Variants in CNTN6 observed in about 807,000 individuals in gnomAD.
CNTN6 encodes the protein contactin-6.
A neutral mutation model predicts 122.8 loss-of-function variants in CNTN6; 137 were observed. That is an observed-to-expected ratio of 1.12 (90% CI 0.97 to 1.29). The LOEUF (loss-of-function observed/expected upper bound fraction) is 1.29. Ranked by LOEUF, CNTN6 falls within the 50% of genes most tolerant of loss-of-function variation. CNTN6 has a pLI of 0.00. For missense variants in CNTN6, 1,634 were observed against 1,223.4 expected (o/e 1.34, Z -5.01); for synonymous variants, 570 against 426.0 (o/e 1.34, Z -4.16).
At chr3:1,093,527 C>CT (rs753856056) in intron 1 of CNTN6, among the ~76,000 whole-genome samples, 1,796 of 132,468 alleles carry the variant, frequency 0.014, 24 homozygotes, top group African/African-American at 0.043. Flanking sequence ...TGTTTTTTGT[C>CT]TTTTTTTTTT....
chr3:1,214,696 A>T (rs4362705), intron 2 of CNTN6, among the ~76,000 whole-genome samples: 72,020 of 151,900 alleles, frequency 0.47, 19,594 homozygotes, highest in African/African-American at 0.75. Flanking sequence ...TTCTTCATTG[A>T]CTTCTGGTAT....
chr3:1,327,461 G>T lies in CNTN6; in HGVS notation c.1088G>T (p.Arg363Ile), dbSNP rs1372041513. 5.4e-5 allele frequency: 87 copies of T among 1,609,792 alleles called. No homozygotes were observed. The highest frequency in any genetic ancestry group is 7.3e-5 in the Non-Finnish European group (86 of 1,177,558). The change falls in exon 10 of 23, where the codon AGA becomes ATA. Residue 363 changes from arginine (R) to isoleucine (I), a missense_variant. Transcript: ENST00000446702. ...KNGERLNPEE[R>I]IQIENGTLII... ...ATATGCCTTTTCCTTTATTAGGAGA[G>T]AATTCAAATAGAAAATGGGACACTC...
intron 7 of CNTN6, among the ~76,000 whole-genome samples, chr3:1,303,824 A>G (rs1387663728): frequency 3.9e-5 from 6 of 152,170 alleles, no homozygotes; most frequent in African/African-American, 1.4e-4. Flanking sequence ...GGCAGTTGTT[A>G]TACTACTGTG....
chr3:1,332,965 C>T (rs1702532257), intron 11 of CNTN6, among the ~76,000 whole-genome samples: 1 of 151,930 alleles, frequency 6.6e-6, no homozygotes, highest in African/African-American at 2.4e-5. Flanking sequence ...TTTAAGAAGA[C>T]AATATTAACG....
chr3:1,400,142 A>G (rs945666991), intron 20 of CNTN6, among the ~76,000 whole-genome samples: 1 of 152,104 alleles, frequency 6.6e-6, no homozygotes, highest in African/African-American at 2.4e-5. Flanking sequence ...AATGAATTAA[A>G]TATTATGCTC....
Position 1,145,946 on chromosome 3 carries a change from G to A in CNTN6, c.-82-1981G>A, listed in dbSNP as rs144479025. ...TTTGTTTTAGGAAGAAAATTTTGGT[G>A]GTAATATTTAAATGAGTAGAAAGGA... On this transcript the variant is annotated intron_variant, in intron 1 of 22. Transcript: ENST00000446702. Among the ~76,000 whole-genome samples the A allele has an allele frequency of 1.2e-3, 185 of 152,102 alleles. 1 individual carries two copies. The highest frequency in any genetic ancestry group is 4.1e-3 in the African/African-American group (172 of 41,522).
At chr3:1,297,617 T>C (rs1226931955) in intron 6 of CNTN6, among the ~76,000 whole-genome samples, 2 of 150,364 alleles carry the variant, frequency 1.3e-5, no homozygotes, top group African/African-American at 4.9e-5. Context: ...GCTGAAAACA[T>C]CCCGTTGTTG....
chr3:1,163,581 T>C (rs1226435878), intron 2 of CNTN6, among the ~76,000 whole-genome samples: 2 of 152,142 alleles, frequency 1.3e-5, no homozygotes, highest in Non-Finnish European at 2.9e-5. Flanking sequence ...CTGGCTAATT[T>C]TTTAAATTAT....
intron 4 of CNTN6, among the ~76,000 whole-genome samples, chr3:1,254,619 G>A (rs184321099): frequency 1.5e-3 from 225 of 152,176 alleles, no homozygotes; most frequent in Non-Finnish European, 2.4e-3. Flanking sequence ...ATGAGTCTAC[G>A]AAAGCAGTAG....
intron 1 of CNTN6, among the ~76,000 whole-genome samples, chr3:1,106,704 A>G (rs72995717): frequency 0.07 from 10,646 of 152,186 alleles, 462 homozygotes; most frequent in Non-Finnish European, 0.09. Context: ...ATATCAGGTT[A>G]TAAGTAATGT....
intron 1 of CNTN6, among the ~76,000 whole-genome samples, chr3:1,099,734 A>G (rs1462449324): frequency 1.3e-5 from 2 of 152,066 alleles, no homozygotes; most frequent in Non-Finnish European, 2.9e-5. Context: ...ATTCATCCGC[A>G]CCTACTATGA....
chr3:1,242,094 A>G lies in CNTN6; in HGVS notation c.358+14101A>G, dbSNP rs188198912. ...TGGCAGGGAAAGCACGTGTGTTTTT[A>G]TGAGAATTATGCTGAGATAGGTAAC... On this transcript the variant is annotated intron_variant, in intron 4 of 22. Transcript: ENST00000446702. Among the ~76,000 whole-genome samples, 759 of 152,274 alleles carry G rather than the reference A, an allele frequency of 5.0e-3. 5 individuals are homozygous for G. Among genetic ancestry groups the G allele is most frequent in the African/African-American group, 0.017 (725 of 41,538 alleles).
intron 4 of CNTN6, among the ~76,000 whole-genome samples, chr3:1,256,082 G>A (rs1412793591): frequency 6.6e-6 from 1 of 151,946 alleles, no homozygotes; most frequent in Non-Finnish European, 1.5e-5. Context: ...TGTTGCCCAC[G>A]CTAGTTTTGA....
intron 4 of CNTN6, among the ~76,000 whole-genome samples, chr3:1,246,609 T>C (rs891490411): frequency 2.0e-5 from 3 of 152,140 alleles, no homozygotes; most frequent in African/African-American, 4.8e-5. Context: ...TAACACCAAA[T>C]TGTTGTCTAT....
At chr3:1,298,429 C>G (rs1255984876) in intron 7 of CNTN6, 1 of 153,410 alleles carries the variant, frequency 6.5e-6, no homozygotes, top group Non-Finnish European at 1.5e-5. Context: ...CTGCTTGTTT[C>G]CAAAATAAGA....
intron 7 of CNTN6, among the ~76,000 whole-genome samples, chr3:1,300,570 AAAGAAAG>A (rs1418702097): frequency 9.4e-5 from 5 of 53,206 alleles, no homozygotes; most frequent in East Asian, 1.4e-3. Context: ...AGAAAGAAAG[AAAGAAAG>A]AAAGAAAGAA....
At chr3:1,198,674 G>T (rs2093814050) in intron 2 of CNTN6, among the ~76,000 whole-genome samples, 1 of 151,412 alleles carries the variant, frequency 6.6e-6, no homozygotes, top group Non-Finnish European at 1.5e-5. Context: ...GTGAGCCAAG[G>T]TTGCAACATT....
In CNTN6 at chr3:1,352,471, T is replaced by G; in HGVS notation, c.1492+20T>G. On this transcript the variant is annotated intron_variant, in intron 12 of 22. Coordinates refer to ENST00000446702, the MANE Select transcript of CNTN6 (RefSeq NM_001289080.2). ...TAAAAGGTATCATATTATCTTCATT[T>G]GTGCTTGATGAACATTGTAAATATG... 3 of 1,608,818 alleles carry G rather than the reference T, an allele frequency of 1.9e-6. No individual in the cohort carries two copies. The highest frequency in any genetic ancestry group is 2.5e-6 in the Non-Finnish European group (3 of 1,176,534).
At chr3:1,384,760 CATATATATACACATATATATAT>C (rs1204538491) in intron 19 of CNTN6, among the ~76,000 whole-genome samples, 1 of 100,080 alleles carries the variant, frequency 1.0e-5, no homozygotes, top group Non-Finnish European at 2.2e-5. Flanking sequence ...CATATATATA[CATATATATACACATATATATAT>C]ATATATATAT....
Sources: allele counts gnomAD v4.1 joint callset (sites outside exome capture counted in the v4.1 genomes callset), GRCh38; gene constraint gnomAD v4.1.1; transcripts MANE v1.5; gene names NCBI Gene and HGNC (gene_info 2026-07-23, HGNC 2026-07-21).